LILRA2: variants seen among roughly 807,000 people sequenced by gnomAD.
The protein encoded by LILRA2 is leukocyte immunoglobulin-like receptor subfamily A member 2.
Under a neutral mutation model 47.9 loss-of-function variants are expected in LILRA2, and 45 were observed. That is an observed-to-expected ratio of 0.94 (90% CI 0.74 to 1.20). The LOEUF (loss-of-function observed/expected upper bound fraction) is 1.20. LILRA2 is among the 50% of genes most tolerant of loss of function. The pLI is 0.00. For missense variants in LILRA2, 651 were observed against 598.2 expected, an observed-to-expected ratio of 1.09 and a Z score of -0.92; for synonymous variants, 279 against 249.2, an observed-to-expected ratio of 1.12 and a Z score of -1.13.
intron 6 of LILRA2, among the ~76,000 whole-genome samples, chr19:54,583,766 T>C (rs983116706): frequency 6.6e-6 from 1 of 152,230 alleles, no homozygotes; most frequent in Non-Finnish European, 1.5e-5. Context: ...ATTTAACCCA[T>C]TTACATTTAA....
In LILRA2 at chr19:54,582,612, G is replaced by A. The variant is rs557724294; in HGVS notation, c.1256-4398G>A. 3.3e-5 allele frequency among the ~76,000 whole-genome samples: 5 copies of A among 152,114 alleles called. No individual in the cohort carries two copies. The South Asian group carries it at 8.3e-4, about 25-fold the overall frequency. ...TGGTAGTTTGTATTTCTGTGGAATC[G>A]GTGGTGATATCCCCTTTATCATTTT... On this transcript the variant is annotated intron_variant, in intron 6 of 7. Coordinates refer to ENST00000391738, the MANE Select transcript of LILRA2 (RefSeq NM_001130917.3).
chr19:54,577,693 G>A, intron 6 of LILRA2: 1 of 1,283,344 alleles, frequency 7.8e-7, no homozygotes, highest in Non-Finnish European at 1.0e-6. Context: ...GAATAAGGAG[G>A]GGCCCTGCAC....
At chr19:54,585,913 T>A (rs538709361) in intron 6 of LILRA2, among the ~76,000 whole-genome samples, 2 of 152,114 alleles carry the variant, frequency 1.3e-5, no homozygotes, top group South Asian at 4.1e-4. Context: ...GACACCTATA[T>A]TTTTTTTAAA....
intron 6 of LILRA2, among the ~76,000 whole-genome samples, chr19:54,582,790 G>C (rs1305730191): frequency 1.3e-5 from 2 of 152,080 alleles, no homozygotes; most frequent in Non-Finnish European, 2.9e-5. Context: ...GTTCTGCTCT[G>C]ATCTTAGTTA....
intron 6 of LILRA2, among the ~76,000 whole-genome samples, chr19:54,585,381 GC>G (rs1049068761): frequency 1.5e-4 from 23 of 152,200 alleles, no homozygotes; most frequent in African/African-American, 5.6e-4. Flanking sequence ...ACTATGCCCT[GC>G]CCCCAGAAGT....
Position 54,574,498 on chromosome 19 carries a change from G to C in LILRA2, c.268G>C (p.Glu90Gln). ...GQFPIPSITWEHAGRYHCQYY... is the reference protein window; with the variant it reads ...GQFPIPSITWQHAGRYHCQYY... ...GTTCCCCATCCCATCCATCACCTGG[G>C]AACACGCAGGGCGGTATCACTGTCA... Residue 90 changes from glutamate to glutamine, a missense_variant, in exon 3 of 8, where the codon GAA becomes CAA. Transcript: ENST00000391738. 1 of 1,614,110 alleles carries C rather than the reference G, an allele frequency of 6.2e-7. No homozygotes were observed. The highest frequency in any genetic ancestry group is 1.3e-5 in the African/African-American group (1 of 74,996).
At position 54,575,497 on chromosome 19, in the gene LILRA2, C is replaced by A; in HGVS notation, c.897C>A (p.His299Gln). 1 of 1,613,074 alleles carries A rather than the reference C, an allele frequency of 6.2e-7. No individual in the cohort carries two copies. Among genetic ancestry groups the A allele is most frequent in the Non-Finnish European group, 8.5e-7 (1 of 1,179,914 alleles). Reference protein sequence around the residue: ...HGGQYRCYSAHNLSSEWSAPS... With the variant: ...HGGQYRCYSAQNLSSEWSAPS... Reference sequence around the variant, plus strand: ...GCCAGTACAGATGCTACAGTGCACACAACCTCTCCTCCGAGTGGTCGGCCC... The same window carrying A: ...GCCAGTACAGATGCTACAGTGCACAAAACCTCTCCTCCGAGTGGTCGGCCC... The change falls in exon 5 of 8, where the codon CAC becomes CAA. Residue 299 changes from histidine to glutamine, a missense_variant. Physicochemically the swap from His to Gln is conservative, Grantham distance 24. Transcript: ENST00000391738.
chr19:54,577,893 T>A lies in LILRA2; in HGVS notation c.1255+1784T>A, dbSNP rs1224931812. On this transcript the variant is annotated intron_variant, in intron 6 of 7. Transcript: ENST00000391738. ...TGCATATATTATTTAAAAATCCTTATTTATACTCCCCTTTAATTGAGTCTT... is the reference window on the plus strand; with the variant it reads ...TGCATATATTATTTAAAAATCCTTAATTATACTCCCCTTTAATTGAGTCTT... 1.2e-3 allele frequency among the ~76,000 whole-genome samples: 183 copies of A among 151,508 alleles called. No individual in the cohort carries two copies. In the South Asian group the frequency reaches 0.026, roughly 21 times the overall value.
Position 54,575,939 on chromosome 19 carries a change from AT to A in LILRA2, c.1086del (p.Pro364HisfsTer4), listed in dbSNP as rs1469450970. On this transcript the variant is annotated frameshift_variant, in exon 6 of 8. Coordinates refer to ENST00000391738, the MANE Select transcript of LILRA2 (RefSeq NM_001130917.3). LOFTEE classifies it high-confidence loss of function. ...TFLLTKEGAGHPPLHLRSEHQ... is the reference protein window; with the variant it reads ...TFLLTKEGAGXPPLHLRSEHQ... Reference sequence around the variant, plus strand: ...CTTCTGACCAAGGAGGGGGCAGGCCATCCCCCACTGCATCTGAGATCAGAGC... The same window carrying A: ...CTTCTGACCAAGGAGGGGGCAGGCCACCCCCACTGCATCTGAGATCAGAGC... 1 of 1,613,764 alleles carries A rather than the reference AT, an allele frequency of 6.2e-7. No homozygotes were observed. Among genetic ancestry groups the A allele is most frequent in the East Asian group, 2.2e-5 (1 of 44,868 alleles).
rs745772776 is a variant in LILRA2, at chr19:54,576,101, T to C, written c.1247T>C (p.Val416Ala). 6.2e-7 allele frequency: 1 copy of C among 1,614,188 alleles called. No individual in the cohort carries two copies. The highest frequency in any genetic ancestry group is 1.7e-5 in the Admixed American group (1 of 60,022). ...CTCCCCAGTGACCCCCTGGAGCTCGTGGTCTCAGGTGAGGGCCCTGATCTT... is the reference window on the plus strand; with the variant it reads ...CTCCCCAGTGACCCCCTGGAGCTCGCGGTCTCAGGTGAGGGCCCTGATCTT... ...LSLPSDPLEL[V>A]VSEAAETLSP... Residue 416 changes from valine (V) to alanine (A), a missense_variant, in exon 6 of 8, where the codon GTG (valine) becomes GCG (alanine). Coordinates refer to ENST00000391738, the MANE Select transcript of LILRA2 (RefSeq NM_001130917.3).
chr19:54,579,324 T>C lies in LILRA2; in HGVS notation c.1255+3215T>C, dbSNP rs771056674. The stretch of plus-strand genomic sequence containing the variant: ...AGGGATCCAGTTTCAGCTTTCTACA[T>C]GTGGCTAGCCAGTTTTTCTAGCACC... On this transcript the variant is annotated intron_variant, in intron 6 of 7. Transcript: ENST00000391738. Among the ~76,000 whole-genome samples, 40 of 152,226 alleles carry C rather than the reference T, an allele frequency of 2.6e-4. 1 individual carries two copies. The highest frequency in any genetic ancestry group is 1.3e-4 in the Admixed American group (2 of 15,280).
At chr19:54,575,103 C>T (rs1004290736) in intron 4 of LILRA2, 70 bp downstream of exon 4, 23 of 1,573,736 alleles carry the variant, frequency 1.5e-5, no homozygotes, top group Middle Eastern at 1.7e-4. Flanking sequence ...GGGGAGCAGC[C>T]GCGTCTCAGG....
At chr19:54,577,921 T>C (rs1175496517) in intron 6 of LILRA2, among the ~76,000 whole-genome samples, 1 of 152,068 alleles carries the variant, frequency 6.6e-6, no homozygotes, top group Non-Finnish European at 1.5e-5. Flanking sequence ...TGAGTCTTGA[T>C]TTAATTTATA....
rs1340403401 is a variant in LILRA2, at chr19:54,576,583, G to A, written c.1255+474G>A. ...GCAGCGGGGAGGGTGGACAGTAAGG[G>A]TGTGGTCTGCGTGGCTTCCTGGGGC... On this transcript the variant is annotated intron_variant, in intron 6 of 7. Coordinates refer to ENST00000391738, the MANE Select transcript of LILRA2 (RefSeq NM_001130917.3). Among the ~76,000 whole-genome samples, 4 of 150,470 alleles carry A rather than the reference G, an allele frequency of 2.7e-5. No homozygotes were observed. In the East Asian group the frequency reaches 5.8e-4, roughly 22 times the overall value.
At chr19:54,574,634 G>T in intron 3 of LILRA2, 52 bp downstream of exon 3, 3 of 1,606,020 alleles carry the variant, frequency 1.9e-6, no homozygotes, top group South Asian at 1.1e-5. Context: ...CAGGAAGGGG[G>T]TCGGCTCTCA....
At position 54,590,068 on chromosome 19, in the gene LILRA2, T is replaced by C. The variant is rs2146040216; in HGVS notation, c.*2722T>C. ...TATGAATTTGTGCACATTAAACTCA[T>C]GATCTTTCATTTCTGTAAAAATGTC... is the stretch of plus-strand genomic sequence containing the variant. On this transcript the variant is annotated 3_prime_UTR_variant, in exon 8 of 8. Coordinates refer to ENST00000391738, the MANE Select transcript of LILRA2 (RefSeq NM_001130917.3). 6.6e-6 allele frequency: 1 copy of C among 152,358 alleles called. No homozygotes were observed. Among genetic ancestry groups the C allele is most frequent in the South Asian group, 2.1e-4 (1 of 4,812 alleles). The allele number at this position is 152,358 out of a possible 1,614,324, so 9.4% of individuals were successfully genotyped here. A position where few individuals can be genotyped will look rare whatever the true frequency, so the allele number is the denominator to read the frequency against.
At position 54,574,418 on chromosome 19, in the gene LILRA2, A is replaced by G. The variant is rs146935882; in HGVS notation, c.188A>G (p.Glu63Gly). The G allele has an allele frequency of 1.4e-3, 2,315 of 1,614,118 alleles. 1 individual carries two copies. The highest frequency in any genetic ancestry group is 1.6e-3 in the Non-Finnish European group (1,917 of 1,179,996). ...GCTGAGGAGTACCATCTATATAGGG[A>G]AAACAAATCAGCATCCTGGGTTAGA... Reference protein sequence around the residue: ...LQAEEYHLYRENKSASWVRRI... With the variant: ...LQAEEYHLYRGNKSASWVRRI... Residue 63 changes from glutamate (E) to glycine (G), a missense_variant, in exon 3 of 8, where the codon GAA becomes GGA. Coordinates refer to ENST00000391738, the MANE Select transcript of LILRA2 (RefSeq NM_001130917.3).
chr19:54,574,626 G>A, intron 3 of LILRA2, 44 bp downstream of exon 3: 2 of 1,608,016 alleles, frequency 1.2e-6, no homozygotes, highest in Non-Finnish European at 1.7e-6. Flanking sequence ...TCTGCCCTCA[G>A]GAAGGGGGTC....
chr19:54,584,176 C>A (rs995095647), intron 6 of LILRA2, among the ~76,000 whole-genome samples: 2 of 152,168 alleles, frequency 1.3e-5, no homozygotes, highest in African/African-American at 2.4e-5. Context: ...TTTGGGTAAC[C>A]AGACCTTTCT....
Sources: allele counts gnomAD v4.1 joint callset (sites outside exome capture counted in the v4.1 genomes callset), GRCh38; gene constraint gnomAD v4.1.1; transcripts MANE v1.5; gene names NCBI Gene and HGNC (gene_info 2026-07-23, HGNC 2026-07-21).